MALRD1: variants seen among roughly 807,000 people sequenced by gnomAD.
The protein encoded by MALRD1 is MAM and LDL receptor class A domain containing 1, also known as MAM and LDL-receptor class A domain-containing protein 1.
A neutral mutation model predicts 242.1 loss-of-function variants in MALRD1; 247 were observed. That is an observed-to-expected ratio of 1.02 (90% CI 0.92 to 1.13). MALRD1 has a LOEUF of 1.13. Among genes scored for constraint, MALRD1 ranks in the 50% most tolerant of loss-of-function variants. MALRD1 has a pLI of 0.00. For synonymous variants in MALRD1, 995 were observed against 866.6 expected, an observed-to-expected ratio of 1.15 and a Z score of -2.60; for missense variants, 2,989 against 2,533.1, an observed-to-expected ratio of 1.18 and a Z score of -3.86.
chr10:19,357,576 T>G (rs753788862), intron 26 of MALRD1, among the ~76,000 whole-genome samples: 1 of 152,154 alleles, frequency 6.6e-6, no homozygotes, highest in African/African-American at 2.4e-5. Flanking sequence ...CTATAAAATC[T>G]TATTATTTAT....
At chr10:19,489,086 C>G (rs1460307100) in intron 29 of MALRD1, 5 of 461,228 alleles carry the variant, frequency 1.1e-5, no homozygotes, top group Middle Eastern at 3.2e-4. Context: ...ACGCGCCTTT[C>G]CGGAGCCAGA....
intron 28 of MALRD1, among the ~76,000 whole-genome samples, chr10:19,392,545 C>T (rs1417572784): frequency 5.9e-5 from 9 of 152,096 alleles, no homozygotes; most frequent in Non-Finnish European, 1.3e-4. Context: ...CAAAGCAAAG[C>T]TATTGCTTTT....
chr10:19,731,241 A>C (rs1437585032), intron 39 of MALRD1, among the ~76,000 whole-genome samples: 1 of 152,210 alleles, frequency 6.6e-6, no homozygotes, highest in Non-Finnish European at 1.5e-5. Context: ...AGAAAAAACA[A>C]ATGAGAATGT....
intron 19 of MALRD1, among the ~76,000 whole-genome samples, chr10:19,278,643 C>G (rs1840653936): frequency 6.6e-6 from 1 of 152,060 alleles, no homozygotes; most frequent in African/African-American, 2.4e-5. Flanking sequence ...ATAAATTTAT[C>G]CCAAATACCT....
intron 18 of MALRD1, among the ~76,000 whole-genome samples, chr10:19,250,182 G>C (rs944274982): frequency 4.6e-5 from 7 of 152,088 alleles, no homozygotes; most frequent in African/African-American, 1.4e-4. Flanking sequence ...TGATCGGACA[G>C]TAGTGCATTG....
chr10:19,522,187 T>G (rs1177723204), intron 31 of MALRD1, among the ~76,000 whole-genome samples: 1 of 152,180 alleles, frequency 6.6e-6, no homozygotes, highest in Non-Finnish European at 1.5e-5. Flanking sequence ...TTCTACAGAT[T>G]GTATTTTTCA....
At chr10:19,550,918 A>G (rs534052781) in intron 32 of MALRD1, among the ~76,000 whole-genome samples, 16 of 152,240 alleles carry the variant, frequency 1.1e-4, no homozygotes, top group African/African-American at 3.6e-4. Flanking sequence ...TTGAGGAATC[A>G]CCACACTGTC....
At chr10:19,240,281 A>T (rs2131742083) in intron 18 of MALRD1, among the ~76,000 whole-genome samples, 1 of 152,086 alleles carries the variant, frequency 6.6e-6, no homozygotes, top group Admixed American at 6.6e-5. Flanking sequence ...ACTTTTTCAG[A>T]TAGTTCACTA....
chr10:19,184,719 T>G (rs1564450784), intron 14 of MALRD1, among the ~76,000 whole-genome samples: 1 of 152,148 alleles, frequency 6.6e-6, no homozygotes, highest in Non-Finnish European at 1.5e-5. Context: ...AGCTAATTTT[T>G]GTATTTTTAG....
intron 29 of MALRD1, among the ~76,000 whole-genome samples, chr10:19,480,544 C>G (rs1295497415): frequency 6.6e-6 from 1 of 152,186 alleles, no homozygotes; most frequent in African/African-American, 2.4e-5. Flanking sequence ...TTCGGCATAT[C>G]AGCAGTAGCA....
intron 24 of MALRD1, among the ~76,000 whole-genome samples, chr10:19,333,261 T>C (rs911822503): frequency 3.3e-5 from 5 of 152,114 alleles, no homozygotes; most frequent in Admixed American, 6.6e-5. Context: ...ATAGTGAGCA[T>C]AGGACACAAT....
intron 34 of MALRD1, among the ~76,000 whole-genome samples, chr10:19,603,547 G>A (rs921530383): frequency 3.3e-5 from 5 of 152,046 alleles, no homozygotes; most frequent in Non-Finnish European, 5.9e-5. Flanking sequence ...TGTTCCATTG[G>A]TCTATATCTC....
intron 12 of MALRD1, 88 bp from the exon 13 acceptor site, chr10:19,165,549 T>G (rs1469786905): frequency 3.9e-6 from 4 of 1,037,760 alleles, no homozygotes; most frequent in Non-Finnish European, 2.5e-6. Flanking sequence ...GCAGATCACC[T>G]GAGGTCAGGA....
rs184464798 is a variant in MALRD1 at position 19,275,399 on chromosome 10, T to C, written c.3080-4648T>C. 1.1e-4 allele frequency among the ~76,000 whole-genome samples: 17 copies of C among 152,308 alleles called. No individual in the cohort carries two copies. The East Asian group carries it at 2.3e-3, about 21-fold the overall frequency. ...AAAATCAGAAATCGGCCGGGTGCGG[T>C]GGCTCACGCCTGTAATCCCAGCACT... is the stretch of plus-strand genomic sequence containing the variant. On this transcript the variant is annotated intron_variant, in intron 19 of 39. Coordinates refer to ENST00000454679, the MANE Select transcript of MALRD1 (RefSeq NM_001142308.3).
chr10:19,283,073 T>C lies in MALRD1; in HGVS notation c.3311T>C (p.Ile1104Thr), dbSNP rs1282751685. ...AGCCTGTGTAAATGGTATCAACCAATCCCAGTACATTTGCTTCAAGATTCA... is the reference window on the plus strand; with the variant it reads ...AGCCTGTGTAAATGGTATCAACCAACCCCAGTACATTTGCTTCAAGATTCA... ...KRSLCKWYQP[I>T]PVHLLQDSNT... The change falls in exon 21 of 40, where the codon ATC becomes ACC. Residue 1104 changes from isoleucine to threonine, a missense_variant. Physicochemically the swap from Ile to Thr is moderately conservative, Grantham distance 89. Coordinates refer to ENST00000454679, the MANE Select transcript of MALRD1 (RefSeq NM_001142308.3). 1.3e-6 allele frequency: 2 copies of C among 1,549,990 alleles called. No homozygotes were observed. The highest frequency in any genetic ancestry group is 1.7e-6 in the Non-Finnish European group (2 of 1,146,686).
intron 32 of MALRD1, among the ~76,000 whole-genome samples, chr10:19,541,036 A>G (rs554217331): frequency 6.6e-6 from 1 of 152,340 alleles, no homozygotes; most frequent in South Asian, 2.1e-4. Context: ...GGCAATAGAA[A>G]CATCAGGCCT....
intron 32 of MALRD1, among the ~76,000 whole-genome samples, chr10:19,535,824 T>C (rs1019932806): frequency 6.6e-6 from 1 of 152,132 alleles, no homozygotes; most frequent in Non-Finnish European, 1.5e-5. Flanking sequence ...ACATGACCTC[T>C]TGAGTTAATA....
At chr10:19,516,597 C>T (rs747479928) in intron 31 of MALRD1, among the ~76,000 whole-genome samples, 3 of 151,836 alleles carry the variant, frequency 2.0e-5, no homozygotes, top group African/African-American at 4.8e-5. Context: ...TTCATTTGTT[C>T]AATTTTCAAA....
intron 5 of MALRD1, among the ~76,000 whole-genome samples, chr10:19,112,449 T>G (rs899208852): frequency 6.6e-6 from 1 of 152,240 alleles, no homozygotes; most frequent in East Asian, 1.9e-4. Flanking sequence ...CAGGCAAGTT[T>G]GCTTAAATCA....
Sources: allele counts gnomAD v4.1 joint callset (sites outside exome capture counted in the v4.1 genomes callset), GRCh38; gene constraint gnomAD v4.1.1; transcripts MANE v1.5; gene names NCBI Gene and HGNC (gene_info 2026-07-23, HGNC 2026-07-21).